CREBL2: variants seen among roughly 807,000 people sequenced by gnomAD.
CREBL2 encodes the protein cAMP responsive element binding protein like 2.
A neutral mutation model predicts 19.5 loss-of-function variants in CREBL2; 4 were observed. The ratio of observed to expected loss-of-function variants is 0.20; its 90% CI spans 0.10 to 0.47. The LOEUF is 0.47. Ranked by LOEUF, CREBL2 falls within the 20% of genes least tolerant of loss-of-function variation. The pLI, the probability that CREBL2 is intolerant of heterozygous loss-of-function variation, is 0.98. For missense variants in CREBL2, 85 were observed against 145.1 expected (o/e 0.59, Z 2.13); for synonymous variants, 42 against 46.6 (o/e 0.90, Z 0.40).
At chr12:12,640,076 A>C (rs764346844) in intron 3 of CREBL2, among the ~76,000 whole-genome samples, 3 of 152,110 alleles carry the variant, frequency 2.0e-5, no homozygotes, top group Non-Finnish European at 4.4e-5. Flanking sequence ...AGCAGTGCAC[A>C]TATTGTCTTG....
At position 12,642,255 on chromosome 12, in the gene CREBL2, T is replaced by A; in HGVS notation, c.*257T>A. The A allele has an allele frequency of 2.9e-6, 1 of 342,968 alleles. No homozygotes were observed. Among genetic ancestry groups the A allele is most frequent in the South Asian group, 1.2e-4 (1 of 8,064 alleles). 21.2% of individuals were successfully genotyped at this position (342,968 alleles called of 1,614,324 possible). On this transcript the variant is annotated 3_prime_UTR_variant, in exon 4 of 4. Transcript: ENST00000228865. ...ACCCATGACATTTAACATGTTGTGATGCTTGAAAACACAGGAGTAGAGAAA... is the reference window on the plus strand; with the variant it reads ...ACCCATGACATTTAACATGTTGTGAAGCTTGAAAACACAGGAGTAGAGAAA...
At chr12:12,640,226 T>G (rs1566116322) in intron 3 of CREBL2, among the ~76,000 whole-genome samples, 1 of 152,128 alleles carries the variant, frequency 6.6e-6, no homozygotes, top group Non-Finnish European at 1.5e-5. Flanking sequence ...AGTCCTTATC[T>G]CAACTGCACA....
chr12:12,627,512 A>T (rs1344342117), intron 1 of CREBL2, among the ~76,000 whole-genome samples: 1 of 152,232 alleles, frequency 6.6e-6, no homozygotes, highest in East Asian at 1.9e-4. Context: ...TTCACTTAGC[A>T]TAATGCTTTC....
At chr12:12,638,880 A>G (rs1458566711) in intron 3 of CREBL2, among the ~76,000 whole-genome samples, 10 of 152,196 alleles carry the variant, frequency 6.6e-5, no homozygotes, top group African/African-American at 2.4e-4. Context: ...TACATTCACA[A>G]TGTTGTGCAA....
chr12:12,623,103 T>C (rs1003165589), intron 1 of CREBL2, among the ~76,000 whole-genome samples: 8 of 149,090 alleles, frequency 5.4e-5, no homozygotes, highest in South Asian at 2.1e-4. Context: ...CAACTTCTTT[T>C]TTTTTTTTTT....
At chr12:12,617,421 C>T (rs546177400) in intron 1 of CREBL2, among the ~76,000 whole-genome samples, 2 of 152,156 alleles carry the variant, frequency 1.3e-5, no homozygotes, top group African/African-American at 2.4e-5. Flanking sequence ...AAAATCTTGG[C>T]TAATTTATTT....
intron 1 of CREBL2, 32 bp from the exon 2 acceptor site, chr12:12,635,745 G>A: frequency 1.3e-6 from 2 of 1,574,832 alleles, no homozygotes; most frequent in South Asian, 1.2e-5. Flanking sequence ...CAGAACTAAG[G>A]AAAAAATTAT....
intron 1 of CREBL2, among the ~76,000 whole-genome samples, chr12:12,618,519 C>G (rs1178438309): frequency 6.7e-6 from 1 of 149,706 alleles, no homozygotes; most frequent in African/African-American, 2.5e-5. Flanking sequence ...GGATGGCGGC[C>G]GGGAAGAGGC....
chr12:12,618,437 G>A (rs920561799), intron 1 of CREBL2, among the ~76,000 whole-genome samples: 2 of 151,834 alleles, frequency 1.3e-5, no homozygotes, highest in African/African-American at 2.4e-5. Flanking sequence ...CAGATGGGGT[G>A]GCGGGGCAGA....
intron 1 of CREBL2, among the ~76,000 whole-genome samples, chr12:12,634,905 T>G (rs1661386478): frequency 6.6e-6 from 1 of 151,846 alleles, no homozygotes; most frequent in Non-Finnish European, 1.5e-5. Flanking sequence ...AGCGATTTTT[T>G]TTTTTTAATT....
chr12:12,614,327 C>T (rs10845590), intron 1 of CREBL2: 32 of 152,240 alleles, frequency 2.1e-4, no homozygotes, highest in African/African-American at 7.0e-4. Context: ...TGAAGATAAA[C>T]GTTTTTACAC....
chr12:12,627,862 C>G (rs545542022), intron 1 of CREBL2, among the ~76,000 whole-genome samples: 1 of 152,274 alleles, frequency 6.6e-6, no homozygotes, highest in South Asian at 2.1e-4. Context: ...TTCACTTTCT[C>G]CACATCTGCA....
rs577057946 is a variant in CREBL2, at chr12:12,645,003, A to G, written c.*3005A>G. The G allele has an allele frequency of 2.6e-5, 4 of 152,304 alleles. No individual in the cohort carries two copies. Among genetic ancestry groups the G allele is most frequent in the African/African-American group, 9.6e-5 (4 of 41,558 alleles). 9.4% of individuals were successfully genotyped at this position (152,304 alleles called of 1,614,324 possible). On this transcript the variant is annotated 3_prime_UTR_variant, in exon 4 of 4. Coordinates refer to ENST00000228865, the MANE Select transcript of CREBL2 (RefSeq NM_001310.4). Reference sequence around the variant, plus strand: ...CTCTCAGCCTGCTTTCTCATCTGTAAAAAAGGGGGGAGGATAACTTTCACA... The same window carrying G: ...CTCTCAGCCTGCTTTCTCATCTGTAGAAAAGGGGGGAGGATAACTTTCACA...
rs1945531043 is a variant in CREBL2 at position 12,642,500 on chromosome 12, A to C, written c.*502A>C. 1 of 152,822 alleles carries C rather than the reference A, an allele frequency of 6.5e-6. No homozygotes were observed. Among genetic ancestry groups the C allele is most frequent in the Admixed American group, 6.5e-5 (1 of 15,286 alleles). 9.5% of individuals were successfully genotyped at this position (152,822 alleles called of 1,614,324 possible). On this transcript the variant is annotated 3_prime_UTR_variant, in exon 4 of 4. Transcript: ENST00000228865. The stretch of plus-strand genomic sequence containing the variant: ...TAATCTTATTTTTATTTACTTGAGT[A>C]ATGTTTATTCTCTGCATGAACCATG...
chr12:12,618,206 C>G (rs558899936), intron 1 of CREBL2, among the ~76,000 whole-genome samples: 1 of 150,898 alleles, frequency 6.6e-6, no homozygotes, highest in African/African-American at 2.5e-5. Context: ...GGGCGGCTGC[C>G]GGGCGGAGAC....
In CREBL2 at chr12:12,644,255, A is replaced by G. The variant is rs1353185895; in HGVS notation, c.*2257A>G. On this transcript the variant is annotated 3_prime_UTR_variant, in exon 4 of 4. Coordinates refer to ENST00000228865, the MANE Select transcript of CREBL2 (RefSeq NM_001310.4). ...TAAGAGAACGTTGATTGCCTCGGCT[A>G]TTGTGCTGGCTGGACACTTTGGTCA... The G allele has an allele frequency of 3.9e-5, 6 of 152,176 alleles. No individual in the cohort carries two copies. Among genetic ancestry groups the G allele is most frequent in the Non-Finnish European group, 7.4e-5 (5 of 68,026 alleles). The allele number at this position is 152,176 out of a possible 1,614,324, so 9.4% of individuals were successfully genotyped here.
Position 12,642,224 on chromosome 12 carries a change from A to G in CREBL2, c.*226A>G. ...AACATTCAGACCTGTCTGGGTTGGT[A>G]TTGCCACCCATGACATTTAACATGT... On this transcript the variant is annotated 3_prime_UTR_variant, in exon 4 of 4. Coordinates refer to ENST00000228865, the MANE Select transcript of CREBL2 (RefSeq NM_001310.4). 5.3e-6 allele frequency: 2 copies of G among 376,956 alleles called. No individual in the cohort carries two copies. The highest frequency in any genetic ancestry group is 1.0e-4 in the South Asian group (1 of 9,964). The allele number at this position is 376,956 out of a possible 1,614,324, so 23.4% of individuals were successfully genotyped here. A position where few individuals can be genotyped will look rare whatever the true frequency, so the allele number is the denominator to read the frequency against.
chr12:12,639,665 A>G (rs546637408), intron 3 of CREBL2, among the ~76,000 whole-genome samples: 17 of 152,144 alleles, frequency 1.1e-4, no homozygotes, highest in Non-Finnish European at 1.9e-4. Flanking sequence ...TAACAGTTCT[A>G]TTGGGGGAAC....
chr12:12,620,650 CTTAATCTAAGT>C (rs1000142746), intron 1 of CREBL2, among the ~76,000 whole-genome samples: 5 of 152,110 alleles, frequency 3.3e-5, no homozygotes, highest in Admixed American at 6.6e-5. Flanking sequence ...TTTAAATAAC[CTTAATCTAAGT>C]TTAATCTAAG....
Sources: allele counts gnomAD v4.1 joint callset (sites outside exome capture counted in the v4.1 genomes callset), GRCh38; gene constraint gnomAD v4.1.1; transcripts MANE v1.5; gene names NCBI Gene and HGNC (gene_info 2026-07-23, HGNC 2026-07-21).